The following DRICH1 variants were observed in gnomAD, a reference collection of about 807,000 sequenced individuals.
DRICH1 encodes aspartate-rich protein 1.
In DRICH1, 38 loss-of-function variants were observed where a neutral mutation model predicts 39.5. The observed-to-expected ratio is 0.96, with a 90% CI of 0.74 to 1.26. The LOEUF is 1.26. DRICH1 is among the 50% of genes most tolerant of loss of function. The probability of loss-of-function intolerance (pLI) is 0.00; values close to 1 mark genes in which losing one functional copy is unlikely to be tolerated. For synonymous variants in DRICH1, 84 were observed against 99.5 expected (o/e 0.84, Z 0.93); for missense variants, 279 against 270.4 (o/e 1.03, Z -0.22).
chr22:23,582,570 A>ATTATTATTATT, the DRICH1 span, among the ~76,000 whole-genome samples: 2 of 135,626 alleles, frequency 1.5e-5, no homozygotes, highest in African/African-American at 5.3e-5. Flanking sequence ...TATTATTATT[A>ATTATTATTATT]TTATTATTAT....
the DRICH1 span, among the ~76,000 whole-genome samples, chr22:23,599,146 T>C: frequency 6.6e-6 from 1 of 152,108 alleles, no homozygotes; most frequent in African/African-American, 2.4e-5. Context: ...ACAGCTGCCT[T>C]TAGGAGTTGC....
the DRICH1 span, among the ~76,000 whole-genome samples, chr22:23,601,622 T>C: frequency 6.6e-6 from 1 of 152,094 alleles, no homozygotes. Context: ...GGGAGGGAAG[T>C]GTTCCCTTCT....
At chr22:23,602,917 C>A in the DRICH1 span, among the ~76,000 whole-genome samples, 1 of 151,902 alleles carries the variant, frequency 6.6e-6, no homozygotes, top group Non-Finnish European at 1.5e-5. Context: ...TTTAATGTTC[C>A]CTACCATGGA....
At chr22:23,614,028 C>G (rs1927197917) in intron 9 of DRICH1, 107 bp downstream of exon 9, 5 of 764,152 alleles carry the variant, frequency 6.5e-6, no homozygotes, top group Non-Finnish European at 1.1e-5. Flanking sequence ...GAATAGTGTA[C>G]AGTGTACATA....
chr22:23,587,292 G>T, the DRICH1 span, among the ~76,000 whole-genome samples: 1 of 152,178 alleles, frequency 6.6e-6, no homozygotes, highest in Non-Finnish European at 1.5e-5. Context: ...CTCAAACAAG[G>T]AGGGAGTTAC....
At chr22:23,619,583 A>G (rs1054936475) in intron 5 of DRICH1, among the ~76,000 whole-genome samples, 190 bp from the exon 6 acceptor site, 7 of 152,214 alleles carry the variant, frequency 4.6e-5, no homozygotes, top group African/African-American at 9.7e-5. Flanking sequence ...TACAGAGCCC[A>G]GAATTAAATG....
downstream of DRICH1, among the ~76,000 whole-genome samples, chr22:23,603,974 C>T (rs1397583041): frequency 6.6e-6 from 1 of 152,214 alleles, no homozygotes; most frequent in Non-Finnish European, 1.5e-5. Context: ...CCAGTGTTAA[C>T]TGTTCATCAA....
chr22:23,601,346 G>A, the DRICH1 span, among the ~76,000 whole-genome samples: 2,767 of 152,232 alleles, frequency 0.018, 80 homozygotes, highest in African/African-American at 0.064. Context: ...GACTCAGAAG[G>A]TTACATACTT....
chr22:23,620,000 T>G (rs1927623601), intron 5 of DRICH1, among the ~76,000 whole-genome samples: 1 of 152,072 alleles, frequency 6.6e-6, no homozygotes, highest in African/African-American at 2.4e-5. Context: ...GACTCTGAGA[T>G]TTTGCAGTGC....
At chr22:23,619,667 C>G (rs1017689125) in intron 5 of DRICH1, among the ~76,000 whole-genome samples, 35 of 152,338 alleles carry the variant, frequency 2.3e-4, no homozygotes, top group Non-Finnish European at 4.3e-4. Flanking sequence ...GCCTCTTCCA[C>G]AAATGATGGT....
At chr22:23,610,816 T>C (rs1373811497) in intron 11 of DRICH1, among the ~76,000 whole-genome samples, 1 of 150,104 alleles carries the variant, frequency 6.7e-6, no homozygotes, top group Non-Finnish European at 1.5e-5. Flanking sequence ...CTAAAAGCAC[T>C]CTTTTTTTTT....
chr22:23,593,448 T>C, the DRICH1 span, among the ~76,000 whole-genome samples: 1 of 152,026 alleles, frequency 6.6e-6, no homozygotes, highest in South Asian at 2.1e-4. Context: ...GCAGATCACC[T>C]GAGGTCAGAA....
At chr22:23,602,942 T>C in the DRICH1 span, among the ~76,000 whole-genome samples, 2 of 152,112 alleles carry the variant, frequency 1.3e-5, no homozygotes, top group Admixed American at 1.3e-4. Context: ...ACATAGTTTA[T>C]TTTACCTCCC....
At chr22:23,617,367 G>A (rs780654981) in intron 7 of DRICH1, among the ~76,000 whole-genome samples, 18 of 151,866 alleles carry the variant, frequency 1.2e-4, no homozygotes, top group Non-Finnish European at 1.6e-4. Context: ...GCCTTGAACC[G>A]GTCTAGGTCA....
chr22:23,597,357 A>C, the DRICH1 span, among the ~76,000 whole-genome samples: 3 of 147,848 alleles, frequency 2.0e-5, no homozygotes, highest in Non-Finnish European at 4.5e-5. Context: ...AAAATCTAAA[A>C]TTAGCCGGTC....
At chr22:23,621,073 G>GA (rs2123782973) in intron 4 of DRICH1, among the ~76,000 whole-genome samples, 1 of 152,252 alleles carries the variant, frequency 6.6e-6, no homozygotes, top group South Asian at 2.1e-4. Flanking sequence ...GAGAAGGAAA[G>GA]AAATCAGGTG....
chr22:23,608,850 C>T, intron 11 of DRICH1, 82 bp from the exon 12 acceptor site: 1 of 1,458,354 alleles, frequency 6.9e-7, no homozygotes, highest in East Asian at 2.5e-5. Context: ...AAGCAGCCTC[C>T]ACGCCAGCAT....
At chr22:23,604,530 G>A (rs1272139384), downstream of DRICH1, among the ~76,000 whole-genome samples, 2 of 152,160 alleles carry the variant, frequency 1.3e-5, no homozygotes, top group Non-Finnish European at 2.9e-5. Flanking sequence ...GGGACTCCTT[G>A]CCTAGAAGTC....
intron 4 of DRICH1, among the ~76,000 whole-genome samples, chr22:23,621,668 C>A (rs1032413875): frequency 6.6e-6 from 1 of 152,176 alleles, no homozygotes; most frequent in Non-Finnish European, 1.5e-5. Context: ...AATACCAGCA[C>A]TTTCGGAAGC....
Sources: gnomAD v4.1 joint callset for allele counts (sites outside exome capture counted in the v4.1 genomes callset) on GRCh38, gnomAD v4.1.1 for gene constraint, MANE v1.5 for transcripts, NCBI Gene and HGNC (gene_info 2026-07-23, HGNC 2026-07-21) for gene names.